The following MAK variants were observed in gnomAD, a reference collection of about 807,000 sequenced individuals.
MAK encodes the protein serine/threonine-protein kinase MAK.
Under a neutral mutation model 82.6 loss-of-function variants are expected in MAK, and 65 were observed. The ratio of observed to expected loss-of-function variants is 0.79; its 90% CI spans 0.64 to 0.97. MAK has a LOEUF of 0.97. Ranked by LOEUF, MAK falls within the 50% of genes least tolerant of loss-of-function variation. The pLI, the probability that MAK is intolerant of heterozygous loss-of-function variation, is 0.00. For missense variants in MAK, 703 were observed against 780.2 expected (o/e 0.90, Z 1.18); for synonymous variants, 250 against 274.2 (o/e 0.91, Z 0.87).
chr6:10,769,248 C>A (rs1016429864), intron 14 of MAK, among the ~76,000 whole-genome samples: 4 of 152,164 alleles, frequency 2.6e-5, no homozygotes, highest in African/African-American at 9.7e-5. Flanking sequence ...AATTAAACTA[C>A]AATTAGGTAT....
chr6:10,801,223 T>A (rs542925695), intron 8 of MAK, among the ~76,000 whole-genome samples: 1 of 152,308 alleles, frequency 6.6e-6, no homozygotes, highest in African/African-American at 2.4e-5. Context: ...AGATTAATTT[T>A]AAAAAAAGCA....
intron 11 of MAK, 43 bp downstream of exon 11, chr6:10,784,381 C>G: frequency 6.2e-7 from 1 of 1,609,052 alleles, no homozygotes; most frequent in Non-Finnish European, 8.5e-7. Flanking sequence ...CCTGACCTAT[C>G]TATACTCTAG....
At chr6:10,813,298 G>A (rs866934304) in intron 5 of MAK, among the ~76,000 whole-genome samples, 19 of 145,574 alleles carry the variant, frequency 1.3e-4, no homozygotes, top group Middle Eastern at 3.7e-3. Flanking sequence ...ACAGGCGCCC[G>A]CCACCACGCC....
chr6:10,806,196 C>CG (rs1776431215), intron 6 of MAK, among the ~76,000 whole-genome samples: 2 of 140,094 alleles, frequency 1.4e-5, no homozygotes, highest in Non-Finnish European at 3.1e-5. Context: ...TTTTTTGAGA[C>CG]GGAGTTTTGC....
intron 11 of MAK, chr6:10,779,590 G>T (rs1773777099): frequency 2.4e-6 from 1 of 423,128 alleles, no homozygotes; most frequent in Non-Finnish European, 3.2e-6. Flanking sequence ...GTAAAGAGGG[G>T]GCCCCAAAAG....
At chr6:10,810,345 C>CTTTTTTTTT (rs111859354) in intron 5 of MAK, among the ~76,000 whole-genome samples, 5 of 121,676 alleles carry the variant, frequency 4.1e-5, no homozygotes, top group Admixed American at 8.7e-5. Context: ...TTATCTTTTT[C>CTTTTTTTTT]TTTTTTTTTT....
intron 2 of MAK, among the ~76,000 whole-genome samples, chr6:10,822,083 C>T (rs1777990073): frequency 7.1e-6 from 1 of 140,126 alleles, no homozygotes; most frequent in African/African-American, 2.7e-5. Flanking sequence ...GGAGGCAGAG[C>T]TTGCAGTGAG....
chr6:10,765,471 T>TTTTTTTTTTTTTTTTTTTTTTA (rs1561923828), intron 14 of MAK, among the ~76,000 whole-genome samples: 1 of 114,962 alleles, frequency 8.7e-6, no homozygotes, highest in African/African-American at 3.4e-5. Context: ...TTTTTTTTTT[T>TTTTTTTTTTTTTTTTTTTTTTA]TTAATGAGGC....
At position 10,813,728 on chromosome 6, in the gene MAK, A is replaced by G. The variant is rs1031676013; in HGVS notation, c.279-5T>C. On this transcript the variant is annotated splice_polypyrimidine_tract_variant and splice_region_variant and intron_variant, in intron 4 of 14. Coordinates refer to ENST00000354489, the MANE Select transcript of MAK (RefSeq NM_001242957.3). ...GATTCAGGGAACAACTTGTTTCTGT[A>G]AAGAAATGAACAGTCACATAATTCT... 1.3e-6 allele frequency: 2 copies of G among 1,525,052 alleles called. No individual in the cohort carries two copies. The highest frequency in any genetic ancestry group is 1.8e-6 in the Non-Finnish European group (2 of 1,099,370). The allele number at this position is 1,525,052 out of a possible 1,614,324, so 94.5% of individuals were successfully genotyped here. A position where few individuals can be genotyped will look rare whatever the true frequency, so the allele number is the denominator to read the frequency against.
At chr6:10,808,268 T>C (rs1581725601) in intron 6 of MAK, among the ~76,000 whole-genome samples, 2 of 152,188 alleles carry the variant, frequency 1.3e-5, no homozygotes, top group Non-Finnish European at 2.9e-5. Context: ...GATCTCAACA[T>C]TGTCTAAGAT....
intron 1 of MAK, among the ~76,000 whole-genome samples, chr6:10,836,294 T>C (rs886160494): frequency 6.6e-6 from 1 of 152,194 alleles, no homozygotes; most frequent in African/African-American, 2.4e-5. Context: ...AAAACAACTT[T>C]ACATACTGCG....
intron 2 of MAK, 58 bp from the exon 3 acceptor site, chr6:10,818,998 T>A (rs894787297): frequency 2.6e-5 from 24 of 932,632 alleles, no homozygotes; most frequent in Non-Finnish European, 4.2e-5. Flanking sequence ...AGACACACAT[T>A]ACACTGTTGG....
Position 10,764,471 on chromosome 6 carries a change from T to G in MAK, c.1928A>C (p.Lys643Thr). Residue 643 changes from lysine to threonine, a missense_variant, in exon 15 of 15, where the codon AAG becomes ACG. Physicochemically the swap from Lys to Thr is moderately conservative, Grantham distance 78. Transcript: ENST00000354489. The stretch of plus-strand genomic sequence containing the variant: ...AGACTCCTACCGGTGGCCTCCATAC[T>G]TGGCCACCCAGTCTGTCCTCCCATG... The part of the protein sequence containing the change: ...SVHGRTDWVA[K>T]YGGHR 6.2e-7 allele frequency: 1 copy of G among 1,614,094 alleles called. No homozygotes were observed. The highest frequency in any genetic ancestry group is 8.5e-7 in the Non-Finnish European group (1 of 1,179,982).
chr6:10,809,591 G>C (rs1320243356), intron 5 of MAK, among the ~76,000 whole-genome samples: 2 of 152,086 alleles, frequency 1.3e-5, no homozygotes, highest in African/African-American at 4.8e-5. Context: ...GACTTCTTGA[G>C]AAAAATCACT....
chr6:10,813,087 T>C (rs1457823251), intron 5 of MAK, among the ~76,000 whole-genome samples: 40 of 496 alleles, frequency 0.081, no homozygotes, highest in Non-Finnish European at 0.15. Flanking sequence ...TATGTATTTT[T>C]ATATATATAT....
intron 1 of MAK, among the ~76,000 whole-genome samples, chr6:10,833,005 G>A (rs1467881885): frequency 6.6e-6 from 1 of 152,148 alleles, no homozygotes; most frequent in Non-Finnish European, 1.5e-5. Context: ...TGTGTATGTA[G>A]TTTGTTTTAA....
chr6:10,830,166 C>T (rs912145662), intron 2 of MAK, among the ~76,000 whole-genome samples: 3 of 132,160 alleles, frequency 2.3e-5, no homozygotes, highest in East Asian at 2.3e-4. Context: ...TGCGTGTGCA[C>T]GTATATATAT....
At chr6:10,837,477 C>T (rs368113476) in intron 1 of MAK, among the ~76,000 whole-genome samples, 1 of 152,238 alleles carries the variant, frequency 6.6e-6, no homozygotes, top group Non-Finnish European at 1.5e-5. Context: ...TTCTCCCTCC[C>T]GGTCAAGCCT....
At chr6:10,822,686 G>T (rs1778052129) in intron 2 of MAK, among the ~76,000 whole-genome samples, 1 of 152,090 alleles carries the variant, frequency 6.6e-6, no homozygotes, top group Admixed American at 6.5e-5. Flanking sequence ...GCCATCTTTT[G>T]TCATTTATTA....
Sources: allele counts gnomAD v4.1 joint callset (sites outside exome capture counted in the v4.1 genomes callset), GRCh38; gene constraint gnomAD v4.1.1; transcripts MANE v1.5; gene names NCBI Gene and HGNC (gene_info 2026-07-23, HGNC 2026-07-21).